The following CCDC93 variants were observed in gnomAD, a reference collection of about 807,000 sequenced individuals.
CCDC93 encodes coiled-coil domain-containing protein 93.
CCDC93 carries 61 observed loss-of-function variants against 108.2 expected under a neutral mutation model. The ratio of observed to expected loss-of-function variants is 0.56; its 90% confidence interval spans 0.46 to 0.70. The LOEUF is 0.70. Among genes scored for constraint, CCDC93 ranks in the 30% least tolerant of loss-of-function variants. The pLI is 0.00. For missense variants in CCDC93, 685 were observed against 764.2 expected (o/e 0.90, Z 1.22); for synonymous variants, 276 against 260.4 (o/e 1.06, Z -0.58).
intron 1 of CCDC93, among the ~76,000 whole-genome samples, chr2:118,013,615 T>G (rs1677079118): frequency 2.0e-5 from 3 of 151,614 alleles, no homozygotes; most frequent in Admixed American, 2.0e-4. Context: ...CGGCGCGGGG[T>G]GGGGGAGCCC....
chr2:118,001,902 G>A (rs1173409372), intron 3 of CCDC93, among the ~76,000 whole-genome samples: 1 of 152,162 alleles, frequency 6.6e-6, no homozygotes, highest in East Asian at 1.9e-4. Flanking sequence ...TCAGACTCAA[G>A]GGGAGAGAAA....
At chr2:117,986,356 A>AGCCCCAATGAAGTGGTCTGCCATGCT (rs1680320604) in intron 6 of CCDC93, among the ~76,000 whole-genome samples, 1 of 152,120 alleles carries the variant, frequency 6.6e-6, no homozygotes, top group Non-Finnish European at 1.5e-5. Flanking sequence ...GCAGGTCTTC[A>AGCCCCAATGAAGTGGTCTGCCATGCT]GCCCCAATGA....
chr2:117,920,453 G>T, intron 23 of CCDC93, 57 bp from the exon 24 acceptor site: 1 of 1,243,170 alleles, frequency 8.0e-7, no homozygotes, highest in Non-Finnish European at 1.2e-6. Context: ...ACCCATGTGA[G>T]GCCAAGATGG....
In CCDC93 at chr2:117,971,312, G is replaced by C. The variant is rs182211534; in HGVS notation, c.888+2596C>G. On this transcript the variant is annotated intron_variant, in intron 11 of 23. Coordinates refer to ENST00000376300, the MANE Select transcript of CCDC93 (RefSeq NM_019044.5). ...TGGGAGACCAAGGCTAAAGTGAGCT[G>C]AGATTGTACTACTGCACTCTTTGCC... is the stretch of plus-strand genomic sequence containing the variant. 7.2e-5 allele frequency among the ~76,000 whole-genome samples: 11 copies of C among 152,332 alleles called. No individual in the cohort carries two copies. In the East Asian group the frequency reaches 1.2e-3, roughly 16 times the overall value.
intron 2 of CCDC93, among the ~76,000 whole-genome samples, chr2:118,008,050 TTC>T (rs1204391679): frequency 6.6e-6 from 1 of 152,258 alleles, no homozygotes; most frequent in Non-Finnish European, 1.5e-5. Context: ...CCTCTGTTTT[TTC>T]TCTGTGTCCT....
At chr2:117,958,752 A>G (rs771445338) in intron 11 of CCDC93, among the ~76,000 whole-genome samples, 18 of 152,362 alleles carry the variant, frequency 1.2e-4, no homozygotes, top group South Asian at 8.3e-4. Flanking sequence ...AATATCATAT[A>G]GGCAACAGGT....
chr2:117,985,999 C>T lies in CCDC93; in HGVS notation c.590G>A (p.Arg197Gln), dbSNP rs754008225. The T allele has an allele frequency of 1.4e-5, 23 of 1,613,042 alleles. No individual in the cohort carries two copies. Among genetic ancestry groups the T allele is most frequent in the South Asian group, 4.4e-5 (4 of 91,038 alleles). Residue 197 changes from arginine to glutamine, a missense_variant, in exon 7 of 24, where the codon CGA becomes CAA. By Grantham distance (43) the Arg-to-Gln change is conservative. Transcript: ENST00000376300. ...GAEELLDEES[R>Q]IHATLLEYGR... Reference sequence around the variant, plus strand: ...ATATTCCAAAAGTGTAGCATGGATTCGAGATTCTTCATCAAGTAGCTCCTC... The same window carrying T: ...ATATTCCAAAAGTGTAGCATGGATTTGAGATTCTTCATCAAGTAGCTCCTC...
intron 6 of CCDC93, among the ~76,000 whole-genome samples, chr2:117,988,293 G>A (rs1482731784): frequency 6.6e-6 from 1 of 152,160 alleles, no homozygotes; most frequent in Non-Finnish European, 1.5e-5. Flanking sequence ...ACCTGTCAGA[G>A]TAATTACTCT....
At chr2:118,001,091 A>C (rs912826079) in intron 3 of CCDC93, 159 bp from the exon 4 acceptor site, 8 of 571,532 alleles carry the variant, frequency 1.4e-5, no homozygotes, top group Non-Finnish European at 2.5e-5. Flanking sequence ...AAATGAGAAA[A>C]ATAAGCACAA....
At chr2:117,950,051 C>A in intron 13 of CCDC93, 1 of 985,388 alleles carries the variant, frequency 1.0e-6, no homozygotes, top group Non-Finnish European at 1.2e-6. Context: ...GTTGGTGATA[C>A]CCAGCAGAAA....
chr2:117,971,246 C>T (rs190921655), intron 11 of CCDC93, among the ~76,000 whole-genome samples: 1 of 152,120 alleles, frequency 6.6e-6, no homozygotes, highest in African/African-American at 2.4e-5. Flanking sequence ...GCCTGCAGTC[C>T]CAGCTACTTG....
chr2:117,938,984 G>T, intron 20 of CCDC93, 45 bp downstream of exon 20: 1 of 1,017,686 alleles, frequency 9.8e-7, no homozygotes, highest in Non-Finnish European at 1.5e-6. Flanking sequence ...GGAGTCAACT[G>T]CACTGTTAGC....
intron 11 of CCDC93, among the ~76,000 whole-genome samples, chr2:117,959,700 C>T (rs1016700984): frequency 2.6e-5 from 4 of 152,210 alleles, no homozygotes; most frequent in Non-Finnish European, 5.9e-5. Context: ...AGAAACATCA[C>T]TTTCTGTCTC....
chr2:117,927,664 C>G (rs530661848), intron 23 of CCDC93, among the ~76,000 whole-genome samples: 1 of 152,048 alleles, frequency 6.6e-6, no homozygotes, highest in Non-Finnish European at 1.5e-5. Context: ...GAATCAATAT[C>G]GTGAAAATGG....
At chr2:117,961,173 C>T (rs534072123) in intron 11 of CCDC93, among the ~76,000 whole-genome samples, 235 of 152,236 alleles carry the variant, frequency 1.5e-3, no homozygotes, top group African/African-American at 5.5e-3. Flanking sequence ...AAAGTTCTTT[C>T]TCATTCTGCT....
intron 6 of CCDC93, among the ~76,000 whole-genome samples, chr2:117,989,121 C>G (rs536007295): frequency 3.4e-4 from 52 of 152,312 alleles, no homozygotes; most frequent in African/African-American, 1.2e-3. Context: ...CCTAAATAAT[C>G]AGACTTTTTG....
chr2:117,940,983 TCAACTATCTGTC>T (rs1678682714), intron 19 of CCDC93, among the ~76,000 whole-genome samples, 194 bp downstream of exon 19: 1 of 152,150 alleles, frequency 6.6e-6, no homozygotes, highest in South Asian at 2.1e-4. Flanking sequence ...CTCAACTGGT[TCAACTATCTGTC>T]CACGGAGAGG....
At chr2:117,962,156 A>G (rs1436180736) in intron 11 of CCDC93, among the ~76,000 whole-genome samples, 2 of 152,254 alleles carry the variant, frequency 1.3e-5, no homozygotes, top group Non-Finnish European at 2.9e-5. Flanking sequence ...ATATACTTTT[A>G]TAATTGAAAG....
chr2:117,946,945 A>G, intron 15 of CCDC93, 63 bp from the exon 16 acceptor site: 1 of 1,194,080 alleles, frequency 8.4e-7, no homozygotes, highest in Non-Finnish European at 1.3e-6. Context: ...CAATTATTCA[A>G]CTATTTGGTC....
Sources: allele counts gnomAD v4.1 joint callset (sites outside exome capture counted in the v4.1 genomes callset), GRCh38; gene constraint gnomAD v4.1.1; transcripts MANE v1.5; gene names NCBI Gene and HGNC (gene_info 2026-07-23, HGNC 2026-07-21).